UBTF: variants seen among roughly 807,000 people sequenced by gnomAD.
UBTF encodes the protein nucleolar transcription factor 1.
A neutral mutation model predicts 112.3 loss-of-function variants in UBTF; 8 were observed. The ratio of observed to expected loss-of-function variants is 0.07; its 90% CI spans 0.04 to 0.13. UBTF has a LOEUF of 0.13. Ranked by LOEUF, UBTF falls within the 10% of genes least tolerant of loss-of-function variation. UBTF has a pLI of 1.00. For synonymous variants in UBTF, 417 were observed against 373.1 expected (o/e 1.12, Z -1.36); for missense variants, 457 against 982.1 (o/e 0.47, Z 7.15).
Position 44,210,430 on chromosome 17 carries a change from T to C in UBTF, c.1403A>G (p.Glu468Gly). 6.2e-7 allele frequency: 1 copy of C among 1,613,684 alleles called. No homozygotes were observed. The highest frequency in any genetic ancestry group is 8.5e-7 in the Non-Finnish European group (1 of 1,179,952). ...CTCGCGCTCCCCGCCGGGCTTCCTC[T>C]CCGACTGAGCCTTGAGCGCCGCCTC... ...AREAALKAQS[E>G]RKPGGEREER... The change falls in exon 14 of 21, where the codon GAG (glutamate) becomes GGG (glycine). Residue 468 changes from glutamate (E) to glycine (G), a missense_variant. Physicochemically the swap from Glu to Gly is moderately conservative, Grantham distance 98. Coordinates refer to ENST00000436088, the MANE Select transcript of UBTF (RefSeq NM_014233.4).
chr17:44,220,312 T>TC (rs2047122261), upstream of UBTF, among the ~76,000 whole-genome samples: 1 of 151,484 alleles, frequency 6.6e-6, no homozygotes, highest in Non-Finnish European at 1.5e-5. Context: ...TCCGGAGCTC[T>TC]CCCCCAAGTT....
chr17:44,211,177 G>A lies in UBTF; in HGVS notation c.1090-25C>T, dbSNP rs375603186. The A allele has an allele frequency of 7.1e-5, 115 of 1,612,748 alleles. No individual in the cohort carries two copies. Among genetic ancestry groups the A allele is most frequent in the Admixed American group, 5.0e-5 (3 of 60,002 alleles). On this transcript the variant is annotated intron_variant, in intron 11 of 20. Coordinates refer to ENST00000436088, the MANE Select transcript of UBTF (RefSeq NM_014233.4). This position sits in a 1 kb window ranked among gnomAD's most constrained non-coding sequence, Gnocchi z 4.9. The stretch of plus-strand genomic sequence containing the variant: ...TCTGGACAGGAAAGAGGAGCACGGG[G>A]CTGCATGCCTGGCACCCAGACTGCA...
Position 44,219,611 on chromosome 17 carries a change from TGTGGCG to T in UBTF, c.-240_-235del, listed in dbSNP as rs1243021128. Reference sequence around the variant, plus strand: ...GCGCTGGGGCGGCGGCTGCTGCTGCTGTGGCGGCGGCGGCGGCGGCGGCGGCTGTGG... The same window carrying T: ...GCGCTGGGGCGGCGGCTGCTGCTGCTGCGGCGGCGGCGGCGGCGGCTGTGG... On this transcript the variant is annotated 5_prime_UTR_variant, in exon 1 of 21. Transcript: ENST00000436088. 1 of 42,540 alleles carries T rather than the reference TGTGGCG, an allele frequency of 2.4e-5. No homozygotes were observed. The highest frequency in any genetic ancestry group is 4.2e-4 in the Admixed American group (1 of 2,358). 2.6% of individuals were successfully genotyped at this position (42,540 alleles called of 1,614,324 possible). A position where few individuals can be genotyped will look rare whatever the true frequency, so the allele number is the denominator to read the frequency against.
In UBTF at chr17:44,209,880, A is replaced by C. The variant is rs534916849; in HGVS notation, c.1627-147T>G. The C allele has an allele frequency of 5.5e-5, 49 of 887,970 alleles. 1 individual carries two copies. Among genetic ancestry groups the C allele is most frequent in the South Asian group, 1.6e-4 (10 of 62,040 alleles). The allele number at this position is 887,970 out of a possible 1,614,324, so 55.0% of individuals were successfully genotyped here. Reference sequence around the variant, plus strand: ...GGTAGCTAGTGAGCAACTTCCTAACAGCTCACGTCTGAGGCAGGCACCACA... The same window carrying C: ...GGTAGCTAGTGAGCAACTTCCTAACCGCTCACGTCTGAGGCAGGCACCACA... On this transcript the variant is annotated intron_variant, in intron 15 of 20. Transcript: ENST00000436088.
At position 44,205,179 on chromosome 17, in the gene UBTF, A is replaced by G. The variant is rs2056181813; in HGVS notation, c.*2063T>C. ...GTTGTGGTGGTTGTTGAATCCTACA[A>G]AACACTCCTTAAATATTAGAAAAGA... On this transcript the variant is annotated 3_prime_UTR_variant, in exon 21 of 21. Coordinates refer to ENST00000436088, the MANE Select transcript of UBTF (RefSeq NM_014233.4). The G allele has an allele frequency of 1.3e-5, 2 of 152,634 alleles. No individual in the cohort carries two copies. Among genetic ancestry groups the G allele is most frequent in the Admixed American group, 1.3e-4 (2 of 15,288 alleles). The allele number at this position is 152,634 out of a possible 1,614,324, so 9.5% of individuals were successfully genotyped here.
rs900853121 is a variant in UBTF, at chr17:44,205,827, C to T, written c.*1415G>A. The T allele has an allele frequency of 2.6e-5, 4 of 152,236 alleles. No homozygotes were observed. The highest frequency in any genetic ancestry group is 2.9e-5 in the Non-Finnish European group (2 of 68,044). The allele number at this position is 152,236 out of a possible 1,614,324, so 9.4% of individuals were successfully genotyped here. A position where few individuals can be genotyped will look rare whatever the true frequency, so the allele number is the denominator to read the frequency against. ...AATAAGAACTACAGAGATAAGGTGG[C>T]TTGGCTTATTAAGAGTCAAGGAATC... On this transcript the variant is annotated 3_prime_UTR_variant, in exon 21 of 21. Transcript: ENST00000436088.
chr17:44,209,604 C>G, intron 16 of UBTF, 41 bp downstream of exon 16: 1 of 1,613,902 alleles, frequency 6.2e-7, no homozygotes, highest in South Asian at 1.1e-5. Context: ...CAGCCCTGAC[C>G]CTCCCCGACC....
chr17:44,213,431 G>A (rs1289577090), intron 5 of UBTF, 149 bp from the exon 6 acceptor site: 24 of 812,604 alleles, frequency 3.0e-5, no homozygotes, highest in Non-Finnish European at 3.6e-5. Flanking sequence ...GCCTCCTGGC[G>A]GGACTCACCA....
chr17:44,217,913 G>A (rs1482014561), intron 2 of UBTF, among the ~76,000 whole-genome samples: 1 of 152,188 alleles, frequency 6.6e-6, no homozygotes, highest in Non-Finnish European at 1.5e-5. Context: ...AGGCTGAATG[G>A]GAACCCCAGA....
chr17:44,220,186 C>T (rs1225025511), upstream of UBTF, among the ~76,000 whole-genome samples: 3 of 152,010 alleles, frequency 2.0e-5, no homozygotes, highest in East Asian at 2.0e-4. Flanking sequence ...CTCGCCAGAC[C>T]CGCGGGGGAA....
chr17:44,209,975 C>G lies in UBTF; in HGVS notation c.1626+149G>C, dbSNP rs996011866. 4 of 902,786 alleles carry G rather than the reference C, an allele frequency of 4.4e-6. No individual in the cohort carries two copies. In the African/African-American group the frequency reaches 5.0e-5, roughly 11 times the overall value. 55.9% of individuals were successfully genotyped at this position (902,786 alleles called of 1,614,324 possible). On this transcript the variant is annotated intron_variant, in intron 15 of 20. Coordinates refer to ENST00000436088, the MANE Select transcript of UBTF (RefSeq NM_014233.4). ...TGGAGGTTAGCAATGTCACCCCCAC[C>G]TTACTGATGAGAGACAGAGGTTCAG...
intron 13 of UBTF, 144 bp from the exon 14 acceptor site, chr17:44,210,617 C>A (rs2056603249): frequency 4.3e-6 from 6 of 1,387,398 alleles, no homozygotes; most frequent in South Asian, 1.5e-5. Context: ...CCCGCCTGGT[C>A]TGCGGCGCTC....
chr17:44,215,503 T>A, intron 5 of UBTF, 151 bp downstream of exon 5: 1 of 930,516 alleles, frequency 1.1e-6, no homozygotes, highest in South Asian at 1.6e-5. Context: ...GAAGGGGCAA[T>A]CAGGTGTGGC....
chr17:44,206,833 A>C lies in UBTF; in HGVS notation c.*409T>G. Reference sequence around the variant, plus strand: ...AGGTGGCAGGCCCCTCTGGGAAGGAATGGGTCTTCCCCAAGCTTCCACCCC... The same window carrying C: ...AGGTGGCAGGCCCCTCTGGGAAGGACTGGGTCTTCCCCAAGCTTCCACCCC... On this transcript the variant is annotated 3_prime_UTR_variant, in exon 21 of 21. Coordinates refer to ENST00000436088, the MANE Select transcript of UBTF (RefSeq NM_014233.4). 1.2e-5 allele frequency: 3 copies of C among 241,228 alleles called. No individual in the cohort carries two copies. Among genetic ancestry groups the C allele is most frequent in the East Asian group, 8.3e-5 (1 of 12,024 alleles). 14.9% of individuals were successfully genotyped at this position (241,228 alleles called of 1,614,324 possible). A position where few individuals can be genotyped will look rare whatever the true frequency, so the allele number is the denominator to read the frequency against.
In UBTF at chr17:44,209,412, G is replaced by A. The variant is rs1411021718; in HGVS notation, c.1845C>T (p.Tyr615=). 5 of 1,613,988 alleles carry A rather than the reference G, an allele frequency of 3.1e-6. No individual in the cohort carries two copies. The highest frequency in any genetic ancestry group is 4.2e-6 in the Non-Finnish European group (5 of 1,179,998). ...QRISQSQKEH[Y]KKLAEEQQKQ... ...TTTGCTGCTCCTCGGCCAGCTTTTT[G>A]TAGTGCTCCTTCTGGCTCTGGGAGA... is the stretch of plus-strand genomic sequence containing the variant. The change falls in exon 17 of 21, where the codon TAC becomes TAT. Residue 615 remains tyrosine, a synonymous_variant. Coordinates refer to ENST00000436088, the MANE Select transcript of UBTF (RefSeq NM_014233.4).
At chr17:44,208,964 C>A in intron 17 of UBTF, 2 of 331,500 alleles carry the variant, frequency 6.0e-6, no homozygotes. Context: ...GTGGGCGGAT[C>A]ACATGAGGTC....
At chr17:44,217,228 A>AC (rs1186442482) in intron 2 of UBTF, among the ~76,000 whole-genome samples, 1 of 152,218 alleles carries the variant, frequency 6.6e-6, no homozygotes, top group Non-Finnish European at 1.5e-5. Context: ...AACCAATGTT[A>AC]GAGACACCCA....
At position 44,210,035 on chromosome 17, in the gene UBTF, C is replaced by A. The variant is rs1225141550; in HGVS notation, c.1626+89G>T. ...CTGAGACTTGCTGAGAGTCACAGAC[C>A]AAGGCTGGGACTTCTTGCTCAGAGC... On this transcript the variant is annotated intron_variant, in intron 15 of 20. Transcript: ENST00000436088. The A allele has an allele frequency of 3.0e-6, 4 of 1,350,786 alleles. No individual in the cohort carries two copies. In the African/African-American group the frequency reaches 5.8e-5, roughly 20 times the overall value. 83.7% of individuals were successfully genotyped at this position (1,350,786 alleles called of 1,614,324 possible).
intron 13 of UBTF, 121 bp downstream of exon 13, chr17:44,210,671 C>G: frequency 1.4e-6 from 2 of 1,414,304 alleles, no homozygotes; most frequent in East Asian, 5.2e-5. Context: ...GCCGGCCCCA[C>G]GTCCCAGCCC....
Sources: allele counts gnomAD v4.1 joint callset (sites outside exome capture counted in the v4.1 genomes callset), GRCh38; gene constraint gnomAD v4.1.1; non-coding constraint Gnocchi (gnomAD v3.1); transcripts MANE v1.5; gene names NCBI Gene and HGNC (gene_info 2026-07-23, HGNC 2026-07-21).